CDKN2B: variants seen among roughly 807,000 people sequenced by gnomAD.
CDKN2B encodes the protein cyclin dependent kinase inhibitor 2B.
Under a neutral mutation model 7.7 loss-of-function variants are expected in CDKN2B, and 8 were observed. The observed-to-expected ratio is 1.04, with a 90% confidence interval of 0.61 to 1.87. The LOEUF (loss-of-function observed/expected upper bound fraction) is 1.87, where lower values mean the gene tolerates loss of function less well. Ranked by LOEUF, CDKN2B falls within the 40% of genes most tolerant of loss-of-function variation. The pLI, the probability that CDKN2B is intolerant of heterozygous loss-of-function variation, is 0.00. For missense variants in CDKN2B, 244 were observed against 213.1 expected (o/e 1.15, Z -0.90); for synonymous variants, 93 against 95.8 (o/e 0.97, Z 0.17).
intron 1 of CDKN2B, among the ~76,000 whole-genome samples, chr9:22,008,430 A>C (rs1359639845): frequency 6.6e-6 from 1 of 152,202 alleles, no homozygotes; most frequent in Non-Finnish European, 1.5e-5. Flanking sequence ...CCTTAAATCC[A>C]ATCTAGAATG....
At position 22,008,827 on chromosome 9, in the gene CDKN2B, C is replaced by A. The variant is rs954368735; in HGVS notation, c.127G>T (p.Val43Phe). 6.2e-7 allele frequency: 1 copy of A among 1,608,100 alleles called. No individual in the cohort carries two copies. The highest frequency in any genetic ancestry group is 1.7e-5 in the Admixed American group (1 of 59,210). Reference protein sequence around the residue: ...LLEAGADPNGVNRFGRRAIQV... With the variant: ...LLEAGADPNGFNRFGRRAIQV... ...ATCGCGCGCCTCCCGAAACGGTTGA[C>A]TCCGTTGGGATCCGCGCCGGCTTCC... Residue 43 changes from valine (V) to phenylalanine (F), a missense_variant, in exon 1 of 2, where the codon GTC (valine) becomes TTC (phenylalanine). By Grantham distance (50) the Val-to-Phe change is conservative (BLOSUM62 -1). Coordinates refer to ENST00000276925, the MANE Select transcript of CDKN2B (RefSeq NM_004936.4).
Position 22,004,640 on chromosome 9 carries a change from G to C in CDKN2B, c.*1347C>G. 4.3e-6 allele frequency: 1 copy of C among 232,560 alleles called. No homozygotes were observed. Among genetic ancestry groups the C allele is most frequent in the East Asian group, 6.1e-5 (1 of 16,404 alleles). The allele number at this position is 232,560 out of a possible 1,614,324, so 14.4% of individuals were successfully genotyped here. A position where few individuals can be genotyped will look rare whatever the true frequency, so the allele number is the denominator to read the frequency against. ...ATGATATAATGATCAAGCAACCCTG[G>C]AAATTAAATCCCAAAGCAGTGCACC... is the stretch of plus-strand genomic sequence containing the variant. On this transcript the variant is annotated 3_prime_UTR_variant, in exon 2 of 2. Transcript: ENST00000276925.
rs1221521076 is a variant in CDKN2B, at chr9:22,009,161, C to T, written c.-208G>A. 8.8e-6 allele frequency: 6 copies of T among 683,262 alleles called. No homozygotes were observed. The highest frequency in any genetic ancestry group is 2.5e-6 in the Non-Finnish European group (1 of 400,468). 42.3% of individuals were successfully genotyped at this position (683,262 alleles called of 1,614,324 possible). On this transcript the variant is annotated 5_prime_UTR_variant, in exon 1 of 2. Transcript: ENST00000276925. ...GCCGGTCGTTAGCTCCGGGCTTTTCCTGGCGCTCAAGAACCAGCGGGCGCG... is the reference window on the plus strand; with the variant it reads ...GCCGGTCGTTAGCTCCGGGCTTTTCTTGGCGCTCAAGAACCAGCGGGCGCG...
At chr9:22,008,182 T>G (rs938277748) in intron 1 of CDKN2B, among the ~76,000 whole-genome samples, 2 of 152,234 alleles carry the variant, frequency 1.3e-5, no homozygotes, top group Non-Finnish European at 2.9e-5. Flanking sequence ...GCAGGAATAT[T>G]TTTGTAATCT....
chr9:22,008,762 C>A (rs1330344837), intron 1 of CDKN2B, 36 bp downstream of exon 1: 1 of 1,609,652 alleles, frequency 6.2e-7, no homozygotes, highest in Non-Finnish European at 8.5e-7. Flanking sequence ...CGCGTTCGCG[C>A]GCCCCCTGCC....
chr9:22,007,532 A>G (rs1298893401), intron 1 of CDKN2B, among the ~76,000 whole-genome samples: 1 of 152,186 alleles, frequency 6.6e-6, no homozygotes, highest in Non-Finnish European at 1.5e-5. Context: ...TTATAAGACA[A>G]TTTTTGGTAA....
chr9:22,008,783 T>G lies in CDKN2B; in HGVS notation c.156+15A>C. Reference sequence around the variant, plus strand: ...CGCGCGCCCCCTGCCGGCGAGGCCCTGGGGCCCCAGCTACCTGGATCGCGC... The same window carrying G: ...CGCGCGCCCCCTGCCGGCGAGGCCCGGGGGCCCCAGCTACCTGGATCGCGC... On this transcript the variant is annotated intron_variant, in intron 1 of 1. Transcript: ENST00000276925. The G allele has an allele frequency of 6.2e-7, 1 of 1,607,530 alleles. No individual in the cohort carries two copies.
intron 1 of CDKN2B, among the ~76,000 whole-genome samples, chr9:22,007,638 T>G (rs1821258338): frequency 6.6e-6 from 1 of 152,198 alleles, no homozygotes; most frequent in African/African-American, 2.4e-5. Context: ...TTTTGTTGGC[T>G]TGTTTCATTA....
In CDKN2B at chr9:22,008,893, C is replaced by G. The variant is rs1821340088; in HGVS notation, c.61G>C (p.Ala21Pro). ...TTCTCCACTAGTCCCCGCGCCGCGG[C>G]GCTGGCCAGACCCTCATCGCTGCCG... The part of the protein sequence containing the change: ...GGGSDEGLAS[A>P]AARGLVEKVR... The change falls in exon 1 of 2, where the codon GCC becomes CCC. Residue 21 changes from alanine to proline, a missense_variant. Coordinates refer to ENST00000276925, the MANE Select transcript of CDKN2B (RefSeq NM_004936.4). 6.2e-7 allele frequency: 1 copy of G among 1,612,696 alleles called. No homozygotes were observed. The highest frequency in any genetic ancestry group is 8.5e-7 in the Non-Finnish European group (1 of 1,179,808).
rs1194735482 is a variant in CDKN2B at position 22,005,860 on chromosome 9, C to G, written c.*127G>C. ...GTCGGCTCCTCCTTCCTGTGAGTCTCAGACAGGCTTGCAGGCTTACAGGCT... is the reference window on the plus strand; with the variant it reads ...GTCGGCTCCTCCTTCCTGTGAGTCTGAGACAGGCTTGCAGGCTTACAGGCT... On this transcript the variant is annotated 3_prime_UTR_variant, in exon 2 of 2. Transcript: ENST00000276925. The surrounding 1 kb of genome is among the most constrained non-coding windows in gnomAD (Gnocchi z 4.9). The G allele has an allele frequency of 2.3e-6, 3 of 1,317,710 alleles. No individual in the cohort carries two copies. The African/African-American group carries it at 4.3e-5, about 19-fold the overall frequency. 81.6% of individuals were successfully genotyped at this position (1,317,710 alleles called of 1,614,324 possible).
rs1821128510 is a variant in CDKN2B, at chr9:22,005,490, TTCA to T, written c.*494_*496del. 1 of 274,264 alleles carries T rather than the reference TTCA, an allele frequency of 3.6e-6. No homozygotes were observed. Among genetic ancestry groups the T allele is most frequent in the East Asian group, 5.3e-5 (1 of 18,892 alleles). The allele number at this position is 274,264 out of a possible 1,614,324, so 17.0% of individuals were successfully genotyped here. On this transcript the variant is annotated 3_prime_UTR_variant, in exon 2 of 2. Coordinates refer to ENST00000276925, the MANE Select transcript of CDKN2B (RefSeq NM_004936.4). This position sits in a 1 kb window ranked among gnomAD's most constrained non-coding sequence, Gnocchi z 4.9. ...GCCCTCCTCCACTTTGTCCTCAGTC[TTCA>T]GGTTTTCCTTTCTGCCGCTAGGGCC...
In CDKN2B at chr9:22,005,846, C is replaced by CT; in HGVS notation, c.*140dup. 1 of 1,182,950 alleles carries CT rather than the reference C, an allele frequency of 8.5e-7. No homozygotes were observed. The highest frequency in any genetic ancestry group is 1.2e-6 in the Non-Finnish European group (1 of 833,624). 73.3% of individuals were successfully genotyped at this position (1,182,950 alleles called of 1,614,324 possible). A position where few individuals can be genotyped will look rare whatever the true frequency, so the allele number is the denominator to read the frequency against. On this transcript the variant is annotated 3_prime_UTR_variant, in exon 2 of 2. Transcript: ENST00000276925. This position sits in a 1 kb window ranked among gnomAD's most constrained non-coding sequence, Gnocchi z 4.9. ...GAAGGTTATTCCCGGTCGGCTCCTC[C>CT]TTCCTGTGAGTCTCAGACAGGCTTG... is the stretch of plus-strand genomic sequence containing the variant.
chr9:22,008,231 A>G (rs1441090368), intron 1 of CDKN2B, among the ~76,000 whole-genome samples: 1 of 152,216 alleles, frequency 6.6e-6, no homozygotes, highest in Non-Finnish European at 1.5e-5. Flanking sequence ...AGAAACCTAT[A>G]GAACTATATA....
chr9:22,005,620 A>G lies in CDKN2B; in HGVS notation c.*367T>C. 4.5e-6 allele frequency: 2 copies of G among 445,474 alleles called. No homozygotes were observed. Among genetic ancestry groups the G allele is most frequent in the Non-Finnish European group, 8.4e-6 (2 of 239,418 alleles). The allele number at this position is 445,474 out of a possible 1,614,324, so 27.6% of individuals were successfully genotyped here. ...ACTGCCTTCTCCCACTCAGCGCTGGAGTGGGAGATTCATCCATCGGAAGAT... is the reference window on the plus strand; with the variant it reads ...ACTGCCTTCTCCCACTCAGCGCTGGGGTGGGAGATTCATCCATCGGAAGAT... On this transcript the variant is annotated 3_prime_UTR_variant, in exon 2 of 2. Coordinates refer to ENST00000276925, the MANE Select transcript of CDKN2B (RefSeq NM_004936.4). This position sits in a 1 kb window ranked among gnomAD's most constrained non-coding sequence, Gnocchi z 4.9.
rs773567747 is a variant in CDKN2B at position 22,008,812 on chromosome 9, T to C, written c.142A>G (p.Arg48Gly). 1 of 1,605,478 alleles carries C rather than the reference T, an allele frequency of 6.2e-7. No individual in the cohort carries two copies. The highest frequency in any genetic ancestry group is 1.7e-5 in the Admixed American group (1 of 58,882). The change falls in exon 1 of 2, where the codon AGG becomes GGG. Residue 48 changes from arginine to glycine, a missense_variant. By Grantham distance (125) the Arg-to-Gly change is moderately radical (BLOSUM62 -2). Transcript: ENST00000276925. ...ADPNGVNRFG[R>G]RAIQVMMMGS... The stretch of plus-strand genomic sequence containing the variant: ...GCCCCAGCTACCTGGATCGCGCGCC[T>C]CCCGAAACGGTTGACTCCGTTGGGA...
At position 22,006,026 on chromosome 9, in the gene CDKN2B, G is replaced by A. The variant is rs1419806460; in HGVS notation, c.378C>T (p.Arg126=). 2.5e-6 allele frequency: 4 copies of A among 1,603,978 alleles called. No individual in the cohort carries two copies. Among genetic ancestry groups the A allele is most frequent in the Middle Eastern group, 1.7e-4 (1 of 5,848 alleles). The change falls in exon 2 of 2, where the codon CGC becomes CGT. Residue 126 remains arginine, a synonymous_variant. Transcript: ENST00000276925. This position sits in a 1 kb window ranked among gnomAD's most constrained non-coding sequence, Gnocchi z 6.4. ...CTGTGCGCAGGTACCCTGCAACGTC[G>A]CGGTGGCCCCGCTCCTCGGCCAAGT... The part of the protein sequence containing the change: ...PVDLAEERGH[R]DVAGYLRTAT...
chr9:22,006,010 G>GTC lies in CDKN2B; in HGVS notation c.393_394insGA (p.Leu132AspfsTer34). Reference sequence around the variant, plus strand: ...CGTCAGTCCCCCGTGGCTGTGCGCAGGTACCCTGCAACGTCGCGGTGGCCC... The same window carrying GTC: ...CGTCAGTCCCCCGTGGCTGTGCGCAGTCGTACCCTGCAACGTCGCGGTGGCCC... On this transcript the variant is annotated frameshift_variant, in exon 2 of 2. Transcript: ENST00000276925. LOFTEE classifies it high-confidence loss of function. This position sits in a 1 kb window ranked among gnomAD's most constrained non-coding sequence, Gnocchi z 6.4. 1 of 1,603,396 alleles carries GTC rather than the reference G, an allele frequency of 6.2e-7. No homozygotes were observed. Among genetic ancestry groups the GTC allele is most frequent in the Non-Finnish European group, 8.5e-7 (1 of 1,179,718 alleles).
At position 22,005,891 on chromosome 9, in the gene CDKN2B, C is replaced by A; in HGVS notation, c.*96G>T. On this transcript the variant is annotated 3_prime_UTR_variant, in exon 2 of 2. Coordinates refer to ENST00000276925, the MANE Select transcript of CDKN2B (RefSeq NM_004936.4). The surrounding 1 kb of genome is among the most constrained non-coding windows in gnomAD (Gnocchi z 4.9). The stretch of plus-strand genomic sequence containing the variant: ...GGCTTGCAGGCTTACAGGCTTTCCG[C>A]CGCTCCCCGTTGGCAGCCTTCATCG... 1.3e-6 allele frequency: 2 copies of A among 1,506,810 alleles called. No homozygotes were observed. Among genetic ancestry groups the A allele is most frequent in the Non-Finnish European group, 1.8e-6 (2 of 1,117,006 alleles). The allele number at this position is 1,506,810 out of a possible 1,614,324, so 93.3% of individuals were successfully genotyped here.
rs887180090 is a variant in CDKN2B at position 22,005,887 on chromosome 9, TCCGCCGCTCC to T, written c.*90_*99del. 6.0e-6 allele frequency: 9 copies of T among 1,489,516 alleles called. 1 individual carries two copies. In the Admixed American group the frequency reaches 1.7e-4, roughly 29 times the overall value. 92.3% of individuals were successfully genotyped at this position (1,489,516 alleles called of 1,614,324 possible). On this transcript the variant is annotated 3_prime_UTR_variant, in exon 2 of 2. Transcript: ENST00000276925. This position sits in a 1 kb window ranked among gnomAD's most constrained non-coding sequence, Gnocchi z 4.9. Reference sequence around the variant, plus strand: ...GACAGGCTTGCAGGCTTACAGGCTTTCCGCCGCTCCCCGTTGGCAGCCTTCATCGAATTAG... The same window carrying T: ...GACAGGCTTGCAGGCTTACAGGCTTTCCGTTGGCAGCCTTCATCGAATTAG...
Sources: allele counts gnomAD v4.1 joint callset (sites outside exome capture counted in the v4.1 genomes callset), GRCh38; gene constraint gnomAD v4.1.1; non-coding constraint Gnocchi (gnomAD v3.1); transcripts MANE v1.5; gene names NCBI Gene and HGNC (gene_info 2026-07-23, HGNC 2026-07-21).